Variants in NEB observed in about 807,000 individuals in gnomAD.
NEB encodes the protein nemaline myopathy type 2.
A neutral mutation model predicts 952.2 loss-of-function variants in NEB; 512 were observed. The ratio of observed to expected loss-of-function variants is 0.54; its 90% CI spans 0.50 to 0.58. NEB has a LOEUF of 0.58. Among genes scored for constraint, NEB ranks in the 20% least tolerant of loss-of-function variants. The probability of loss-of-function intolerance (pLI) is 0.00; values close to 1 mark genes in which losing one functional copy is unlikely to be tolerated. For missense variants in NEB, 8,428 were observed against 9,231.1 expected (o/e 0.91, Z 3.56); for synonymous variants, 2,900 against 3,149.8 (o/e 0.92, Z 2.66).
At position 151,725,576 on chromosome 2, in the gene NEB, G is replaced by C. The variant is rs753146053; in HGVS notation, c.295-16C>G. 3.8e-6 allele frequency: 6 copies of C among 1,592,098 alleles called. No homozygotes were observed. Among genetic ancestry groups the C allele is most frequent in the Non-Finnish European group, 5.2e-6 (6 of 1,160,500 alleles). ...TGTATTTATTCTGAAAAGAATATCA[G>C]ATATTAGCCTAACAAGACAGCAGTG... is the stretch of plus-strand genomic sequence containing the variant. On this transcript the variant is annotated splice_polypyrimidine_tract_variant and intron_variant, in intron 5 of 181. Transcript: ENST00000397345.
chr2:151,655,191 T>C, intron 51 of NEB, 79 bp downstream of exon 51: 6 of 815,280 alleles, frequency 7.4e-6, no homozygotes, highest in Non-Finnish European at 1.1e-5. Flanking sequence ...AACATTTATA[T>C]CAGTATTTAC....
In NEB at chr2:151,610,496, G is replaced by A. The variant is rs951202856; in HGVS notation, c.12018+20C>T. The A allele has an allele frequency of 5.7e-6, 9 of 1,566,686 alleles. No homozygotes were observed. The African/African-American group carries it at 9.5e-5, about 16-fold the overall frequency. On this transcript the variant is annotated intron_variant, in intron 80 of 181. Coordinates refer to ENST00000397345, the MANE Select transcript of NEB (RefSeq NM_001164508.2). ...TTCAGCACAGTGGAGACCACAGAGA[G>A]TTAGATGGAAGGTACTCACGTCACT... is the stretch of plus-strand genomic sequence containing the variant.
chr2:151,545,679 C>T (rs1369005987), intron 135 of NEB, among the ~76,000 whole-genome samples: 1 of 152,062 alleles, frequency 6.6e-6, no homozygotes, highest in Non-Finnish European at 1.5e-5. Flanking sequence ...GCGTATCTTA[C>T]CAAAAGGGGG....
At chr2:151,670,434 C>A (rs1278003511) in intron 38 of NEB, among the ~76,000 whole-genome samples, 2 of 105,364 alleles carry the variant, frequency 1.9e-5, no homozygotes, top group Non-Finnish European at 3.7e-5. Context: ...TCCATACAGA[C>A]GTGTCTCAGA....
chr2:151,578,169 T>C (rs1321985307), intron 105 of NEB, among the ~76,000 whole-genome samples: 2 of 152,162 alleles, frequency 1.3e-5, no homozygotes, highest in Non-Finnish European at 2.9e-5. Context: ...ATACAGGAAA[T>C]AAATAACCTT....
chr2:151,563,814 C>T lies in NEB; in HGVS notation c.18579+9G>A, dbSNP rs780126337. ...TCTCAAACTTAGGAGAGGAAAAGGT[C>T]ATACTGACCTCACTGTTCACCAGAT... On this transcript the variant is annotated intron_variant, in intron 118 of 181. Coordinates refer to ENST00000397345, the MANE Select transcript of NEB (RefSeq NM_001164508.2). 7.4e-6 allele frequency: 12 copies of T among 1,613,090 alleles called. No homozygotes were observed. The highest frequency in any genetic ancestry group is 9.3e-6 in the Non-Finnish European group (11 of 1,179,298).
In NEB at chr2:151,537,895, C is replaced by T; in HGVS notation, c.21079G>A (p.Ala7027Thr). The change falls in exon 140 of 182, where the codon GCA becomes ACA. Residue 7027 changes from alanine (A) to threonine (T), a missense_variant. Physicochemically the swap from Ala to Thr is moderately conservative, Grantham distance 58. Transcript: ENST00000397345. ...ACATCACTGACTGTGTCAGTGACTG[C>T]TCGGTGGTGGAAATGCTCTGGACGA... is the stretch of plus-strand genomic sequence containing the variant. ...PDRPEHFHHR[A>T]VTDTVSDVKY... 1 of 1,611,552 alleles carries T rather than the reference C, an allele frequency of 6.2e-7. No homozygotes were observed. Among genetic ancestry groups the T allele is most frequent in the South Asian group, 1.1e-5 (1 of 90,490 alleles).
At position 151,658,075 on chromosome 2, in the gene NEB, A is replaced by C. The variant is rs745323298; in HGVS notation, c.6091T>G (p.Ser2031Ala). 1.2e-6 allele frequency: 2 copies of C among 1,602,560 alleles called. No homozygotes were observed. The change falls in exon 48 of 182, where the codon TCC (serine) becomes GCC (alanine). Residue 2031 changes from serine (S) to alanine (A), a missense_variant. This residue lies in a region of NEB where 2,851 missense variants were observed against 2,791.5 expected (regional missense o/e 1.02). Transcript: ENST00000397345. ...CCTTTCTTTTTAGACTCTTCCAAGG[A>C]AAGTTTGTAGAGTTTCTGTAAAGAG... ...INMSDKLYKL[S>A]LEESKKKGYD...
At chr2:151,672,753 A>G in intron 36 of NEB, 73 bp from the exon 37 acceptor site, 1 of 1,324,088 alleles carries the variant, frequency 7.6e-7, no homozygotes, top group Non-Finnish European at 1.0e-6. Context: ...ATTCACATAT[A>G]AAGACACTCA....
rs533511481 is a variant in NEB, at chr2:151,520,440, TTAGG to T, written c.22480-676_22480-673del. Among the ~76,000 whole-genome samples the T allele has an allele frequency of 5.7e-3, 868 of 152,082 alleles. 5 individuals carry two copies. Among genetic ancestry groups the T allele is most frequent in the Admixed American group, 6.8e-3 (104 of 15,282 alleles). Reference sequence around the variant, plus strand: ...ACTTTTAGTATACATAAAAATAAGTTTAGGTAGGCAGAGGGCTAAATAACTCCAA... The same window carrying T: ...ACTTTTAGTATACATAAAAATAAGTTTAGGCAGAGGGCTAAATAACTCCAA... On this transcript the variant is annotated intron_variant, in intron 153 of 181. Coordinates refer to ENST00000397345, the MANE Select transcript of NEB (RefSeq NM_001164508.2).
At chr2:151,731,156 C>T (rs2099806968) in intron 3 of NEB, among the ~76,000 whole-genome samples, 2 of 152,160 alleles carry the variant, frequency 1.3e-5, no homozygotes, top group South Asian at 4.1e-4. Flanking sequence ...TTAAAAGCAG[C>T]TCCTTGGAAA....
chr2:151,614,306 C>A lies in NEB; in HGVS notation c.11571G>T (p.Gln3857His), dbSNP rs2098123258. ...TCLPDQNDVI[Q>H]ARKAYDLQSD... ...TCTGCAGGTCATAGGCCTTCCGAGC[C>A]TGAATGACGTCATTCTGATCAGGCA... is the stretch of plus-strand genomic sequence containing the variant. Residue 3857 changes from glutamine (Q) to histidine (H), a missense_variant, in exon 77 of 182, where the codon CAG (glutamine) becomes CAT (histidine). Gln to His is a conservative substitution (Grantham distance 24, BLOSUM62 0). Coordinates refer to ENST00000397345, the MANE Select transcript of NEB (RefSeq NM_001164508.2). The A allele has an allele frequency of 6.2e-7, 1 of 1,613,854 alleles. No individual in the cohort carries two copies. Among genetic ancestry groups the A allele is most frequent in the Non-Finnish European group, 8.5e-7 (1 of 1,179,796 alleles).
At chr2:151,674,860 A>C (rs1162704159) in intron 35 of NEB, among the ~76,000 whole-genome samples, 1 of 152,256 alleles carries the variant, frequency 6.6e-6, no homozygotes, top group East Asian at 1.9e-4. Context: ...AAACCATGGT[A>C]TGTGAGGACC....
In NEB at chr2:151,629,620, T is replaced by G; in HGVS notation, c.9750A>C (p.Glu3250Asp). The change falls in exon 68 of 182, where the codon GAA becomes GAC. Residue 3250 changes from glutamate (E) to aspartate (D), a missense_variant. Glu to Asp is a conservative substitution (Grantham distance 45, BLOSUM62 2). Around this residue, in one of 11 missense-constraint regions of NEB, gnomAD observed 1,772 missense variants for 1,960.3 expected, o/e 0.90. Coordinates refer to ENST00000397345, the MANE Select transcript of NEB (RefSeq NM_001164508.2). Reference protein sequence around the residue: ...SETLYKLANEEAKKKGYDLRS... With the variant: ...SETLYKLANEDAKKKGYDLRS... ...GCAAGTCGTAGCCTTTCTTTTTTGCTTCTTCATTGGCAAGTTTGTATAGAG... is the reference window on the plus strand; with the variant it reads ...GCAAGTCGTAGCCTTTCTTTTTTGCGTCTTCATTGGCAAGTTTGTATAGAG... The G allele has an allele frequency of 6.2e-7, 1 of 1,613,752 alleles. No individual in the cohort carries two copies. The highest frequency in any genetic ancestry group is 2.2e-5 in the East Asian group (1 of 44,874).
At chr2:151,673,111 T>C (rs1211008416) in intron 36 of NEB, among the ~76,000 whole-genome samples, 1 of 152,188 alleles carries the variant, frequency 6.6e-6, no homozygotes, top group African/African-American at 2.4e-5. Flanking sequence ...CAGCAGCTGC[T>C]TTCCAAGCTC....
rs146295003 is a variant in NEB at position 151,511,566 on chromosome 2, A to G, written c.23346+1167T>C. Among the ~76,000 whole-genome samples, 1,210 of 152,336 alleles carry G rather than the reference A, an allele frequency of 7.9e-3. 10 individuals carry two copies. Among genetic ancestry groups the G allele is most frequent in the Non-Finnish European group, 0.01 (687 of 68,024 alleles). On this transcript the variant is annotated intron_variant, in intron 161 of 181. Coordinates refer to ENST00000397345, the MANE Select transcript of NEB (RefSeq NM_001164508.2). ...CGAATCTACATCCCCAGGTGCCTATAAAGCACAGCTAGGGCACGTTAACTA... is the reference window on the plus strand; with the variant it reads ...CGAATCTACATCCCCAGGTGCCTATGAAGCACAGCTAGGGCACGTTAACTA...
chr2:151,562,589 A>G (rs768898321), intron 120 of NEB, 22 bp downstream of exon 120: 3 of 1,538,548 alleles, frequency 1.9e-6, no homozygotes, highest in African/African-American at 2.7e-5. Context: ...AGCTGAGTCA[A>G]GCTGCAGAAG....
At chr2:151,672,791 C>A in intron 36 of NEB, 111 bp from the exon 37 acceptor site, 2 of 986,668 alleles carry the variant, frequency 2.0e-6, no homozygotes, top group East Asian at 4.9e-5. Context: ...CAAGAGTGTA[C>A]AAAAAATGCA....
chr2:151,697,090 C>T, intron 16 of NEB, 58 bp downstream of exon 16: 2 of 1,302,524 alleles, frequency 1.5e-6, no homozygotes, highest in Non-Finnish European at 2.2e-6. Context: ...TTAAACATAT[C>T]CTGACCACTA....
Sources: gnomAD v4.1 joint callset for allele counts (sites outside exome capture counted in the v4.1 genomes callset) on GRCh38, gnomAD v4.1.1 for gene constraint, gnomAD v4.1.1 regional missense constraint, MANE v1.5 for transcripts, NCBI Gene and HGNC (gene_info 2026-07-23, HGNC 2026-07-21) for gene names.